Variants in SNTG2 observed in about 807,000 individuals in gnomAD.
SNTG2 encodes gamma-2-syntrophin.
In SNTG2, 74 loss-of-function variants were observed where a neutral mutation model predicts 70.9. That is an observed-to-expected ratio of 1.04 (90% confidence interval 0.86 to 1.27). SNTG2 has a LOEUF of 1.27. Among genes scored for constraint, SNTG2 ranks in the 50% most tolerant of loss-of-function variants. The pLI is 0.00. For synonymous variants in SNTG2, 278 were observed against 273.8 expected (o/e 1.02, Z -0.15); for missense variants, 717 against 690.7 (o/e 1.04, Z -0.43).
rs187191559 is a variant in SNTG2 at position 1,187,040 on chromosome 2, C to T, written c.591+13857C>T. Among the ~76,000 whole-genome samples the T allele has an allele frequency of 3.5e-4, 54 of 152,206 alleles. 1 individual carries two copies. The East Asian group carries it at 8.7e-3, about 25-fold the overall frequency. On this transcript the variant is annotated intron_variant, in intron 8 of 16. Coordinates refer to ENST00000308624, the MANE Select transcript of SNTG2 (RefSeq NM_018968.4). Reference sequence around the variant, plus strand: ...ATGCAGAGGGGCTGCAGAGACAGACCGAAGACGTCTAGCACATGCTCACCC... The same window carrying T: ...ATGCAGAGGGGCTGCAGAGACAGACTGAAGACGTCTAGCACATGCTCACCC...
chr2:972,026 T>C (rs1362729812), intron 1 of SNTG2, among the ~76,000 whole-genome samples: 1 of 152,216 alleles, frequency 6.6e-6, no homozygotes, highest in Non-Finnish European at 1.5e-5. Flanking sequence ...TGATATTCTT[T>C]TTTAATTTGC....
At chr2:1,225,417 G>A (rs2148058477) in intron 9 of SNTG2, among the ~76,000 whole-genome samples, 1 of 152,318 alleles carries the variant, frequency 6.6e-6, no homozygotes, top group East Asian at 1.9e-4. Flanking sequence ...GAATCAGGAT[G>A]CTTTTGTGAA....
chr2:1,238,356 A>G (rs1012922770), intron 10 of SNTG2, among the ~76,000 whole-genome samples: 23 of 152,158 alleles, frequency 1.5e-4, no homozygotes, highest in African/African-American at 5.6e-4. Context: ...TTTTACCCAA[A>G]TGCATTGATA....
At chr2:1,168,731 C>G (rs1223328000) in intron 7 of SNTG2, among the ~76,000 whole-genome samples, 5 of 152,278 alleles carry the variant, frequency 3.3e-5, no homozygotes, top group Admixed American at 3.3e-4. Flanking sequence ...CAGTAAGATT[C>G]ACTGCATGCC....
intron 14 of SNTG2, among the ~76,000 whole-genome samples, chr2:1,287,149 C>T (rs934403533): frequency 1.3e-5 from 2 of 152,226 alleles, no homozygotes; most frequent in South Asian, 4.1e-4. Context: ...GCTGAGTCAC[C>T]TGCCCCTCAT....
intron 16 of SNTG2, among the ~76,000 whole-genome samples, chr2:1,325,411 C>A (rs1308707918): frequency 6.6e-6 from 1 of 152,108 alleles, no homozygotes; most frequent in African/African-American, 2.4e-5. Context: ...ATGTGATCAG[C>A]AATGTTTCAA....
chr2:1,305,745 A>G (rs949862082), intron 14 of SNTG2, among the ~76,000 whole-genome samples: 1 of 152,210 alleles, frequency 6.6e-6, no homozygotes, highest in Non-Finnish European at 1.5e-5. Flanking sequence ...TTGTGTAGCC[A>G]GAGGTTCCTT....
intron 1 of SNTG2, among the ~76,000 whole-genome samples, chr2:1,009,665 A>T (rs1317681000): frequency 1.0e-5 from 1 of 100,160 alleles, no homozygotes. Flanking sequence ...TGTCCCCAGG[A>T]AGACTGCTGG....
chr2:1,322,090 T>C (rs2148272395), intron 16 of SNTG2, among the ~76,000 whole-genome samples: 1 of 152,334 alleles, frequency 6.6e-6, no homozygotes, highest in South Asian at 2.1e-4. Context: ...GTTTTGGTTT[T>C]AAGTCTCTCA....
At chr2:1,034,483 A>T (rs1246309615) in intron 1 of SNTG2, among the ~76,000 whole-genome samples, 1 of 152,172 alleles carries the variant, frequency 6.6e-6, no homozygotes, top group East Asian at 1.9e-4. Context: ...CAGTAATGCA[A>T]TGGCTGGGTC....
intron 1 of SNTG2, among the ~76,000 whole-genome samples, chr2:980,479 T>G (rs1465281775): frequency 6.6e-6 from 1 of 152,252 alleles, no homozygotes; most frequent in Non-Finnish European, 1.5e-5. Context: ...CAATACATTT[T>G]GGATGACAAC....
intron 9 of SNTG2, among the ~76,000 whole-genome samples, chr2:1,212,265 ACT>A (rs1674096315): frequency 6.6e-6 from 1 of 151,548 alleles, no homozygotes; most frequent in Admixed American, 6.6e-5. Context: ...GCACCTCCCC[ACT>A]CTCTCTCTTT....
At chr2:1,099,681 T>G (rs1572428135) in intron 4 of SNTG2, among the ~76,000 whole-genome samples, 2 of 65,306 alleles carry the variant, frequency 3.1e-5, no homozygotes, top group African/African-American at 1.1e-4. Context: ...GTGAGGGCAG[T>G]TGTGGTGAGG....
intron 1 of SNTG2, among the ~76,000 whole-genome samples, chr2:975,608 C>A (rs1660885341): frequency 6.6e-6 from 1 of 152,106 alleles, no homozygotes; most frequent in Non-Finnish European, 1.5e-5. Context: ...ACATACCTAC[C>A]CACCCATCCG....
At chr2:1,232,472 A>G (rs1377002515) in intron 9 of SNTG2, among the ~76,000 whole-genome samples, 1 of 151,866 alleles carries the variant, frequency 6.6e-6, no homozygotes, top group East Asian at 1.9e-4. Flanking sequence ...TATGTTTTGT[A>G]TTTTTAGTAG....
chr2:1,296,048 G>T (rs555892828), intron 14 of SNTG2, among the ~76,000 whole-genome samples: 141 of 147,158 alleles, frequency 9.6e-4, no homozygotes, highest in African/African-American at 3.4e-3. Flanking sequence ...AGTCTCCCGT[G>T]TTGGGGTGGG....
intron 16 of SNTG2, among the ~76,000 whole-genome samples, chr2:1,329,687 C>T (rs1324069780): frequency 6.6e-6 from 1 of 152,164 alleles, no homozygotes; most frequent in Admixed American, 6.5e-5. Flanking sequence ...TTGACACTTT[C>T]CTGAAAACAA....
intron 4 of SNTG2, among the ~76,000 whole-genome samples, chr2:1,110,601 G>A (rs1024621168): frequency 4.6e-5 from 7 of 152,152 alleles, no homozygotes; most frequent in African/African-American, 1.4e-4. Flanking sequence ...TCAGAAAGCA[G>A]AGACTTGAGC....
chr2:1,065,356 A>G (rs960435446), intron 1 of SNTG2, among the ~76,000 whole-genome samples: 1 of 152,128 alleles, frequency 6.6e-6, no homozygotes, highest in East Asian at 1.9e-4. Flanking sequence ...CACAGGGAAC[A>G]TATTCATGAT....
Sources: gnomAD v4.1 joint callset for allele counts (sites outside exome capture counted in the v4.1 genomes callset) on GRCh38, gnomAD v4.1.1 for gene constraint, MANE v1.5 for transcripts, NCBI Gene and HGNC (gene_info 2026-07-23, HGNC 2026-07-21) for gene names.